The following SMAD1 variants were observed in gnomAD, a reference collection of about 807,000 sequenced individuals.
SMAD1 encodes MAD, mothers against decapentaplegic homolog 1.
A neutral mutation model predicts 41.6 loss-of-function variants in SMAD1; 6 were observed. That is an observed-to-expected ratio of 0.14 (90% CI 0.08 to 0.28). SMAD1 has a LOEUF of 0.28. Ranked by LOEUF, SMAD1 falls within the 10% of genes least tolerant of loss-of-function variation. The probability of loss-of-function intolerance (pLI) is 1.00; values close to 1 mark genes in which losing one functional copy is unlikely to be tolerated. For missense variants in SMAD1, 379 were observed against 582.6 expected, an observed-to-expected ratio of 0.65 and a Z score of 3.60; for synonymous variants, 206 against 203.2, an observed-to-expected ratio of 1.01 and a Z score of -0.12.
chr4:145,509,729 T>A (rs1402560960), intron 1 of SMAD1, among the ~76,000 whole-genome samples: 1 of 152,196 alleles, frequency 6.6e-6, no homozygotes, highest in Non-Finnish European at 1.5e-5. Flanking sequence ...ATAGGTACAC[T>A]CTGACCAAGT....
At chr4:145,547,036 G>A in intron 5 of SMAD1, 112 bp downstream of exon 5, 2 of 820,438 alleles carry the variant, frequency 2.4e-6, no homozygotes, top group South Asian at 1.6e-5. Context: ...ACCAGGTAAT[G>A]TTCACTTGCT....
At chr4:145,501,120 C>T (rs1390892773) in intron 1 of SMAD1, among the ~76,000 whole-genome samples, 1 of 152,208 alleles carries the variant, frequency 6.6e-6, no homozygotes, top group East Asian at 1.9e-4. Context: ...CCCAATTTCT[C>T]ATTCTGGGTT....
Position 145,514,996 on chromosome 4 carries a change from A to G in SMAD1, c.383A>G (p.Lys128Arg), listed in dbSNP as rs997032158. The stretch of plus-strand genomic sequence containing the variant: ...GTCTGCATCAATCCCTACCACTATA[A>G]GAGAGTAGAAAGCCCTGGTAAGTGA... ...KEVCINPYHY[K>R]RVESPVLPPV... is the part of the protein sequence containing the mutation. The change falls in exon 2 of 7, where the codon AAG becomes AGG. Residue 128 changes from lysine (K) to arginine (R), a missense_variant. This residue lies in a region of SMAD1 where 208 missense variants were observed against 210.5 expected (regional missense o/e 0.99). Transcript: ENST00000302085. This position sits in a 1 kb window ranked among gnomAD's most constrained non-coding sequence, Gnocchi z 4.7. The G allele has an allele frequency of 6.2e-7, 1 of 1,608,102 alleles. No homozygotes were observed. Among genetic ancestry groups the G allele is most frequent in the Non-Finnish European group, 8.5e-7 (1 of 1,176,480 alleles).
At chr4:145,534,484 A>G (rs1731501762) in intron 2 of SMAD1, among the ~76,000 whole-genome samples, 1 of 152,248 alleles carries the variant, frequency 6.6e-6, no homozygotes, top group South Asian at 2.1e-4. Context: ...GAAAAGGAAG[A>G]ACTGTGAGAG....
chr4:145,553,621 C>G (rs1279726998), intron 5 of SMAD1, among the ~76,000 whole-genome samples, 163 bp from the exon 6 acceptor site: 1 of 152,072 alleles, frequency 6.6e-6, no homozygotes, highest in South Asian at 2.1e-4. Context: ...GGTCCATGGC[C>G]CCGGGGGTTG....
intron 2 of SMAD1, among the ~76,000 whole-genome samples, chr4:145,530,284 T>C (rs1035098439): frequency 2.6e-5 from 4 of 152,172 alleles, no homozygotes; most frequent in African/African-American, 9.7e-5. Context: ...ATGGGAGTGC[T>C]GTTAGAACTG....
intron 4 of SMAD1, among the ~76,000 whole-genome samples, chr4:145,543,008 C>G (rs1011465535): frequency 6.6e-6 from 1 of 151,086 alleles, no homozygotes; most frequent in Non-Finnish European, 1.5e-5. Flanking sequence ...GAGTTTTGCT[C>G]TGGTCACCCA....
chr4:145,533,608 C>T (rs1399128402), intron 2 of SMAD1, among the ~76,000 whole-genome samples: 1 of 152,106 alleles, frequency 6.6e-6, no homozygotes, highest in Non-Finnish European at 1.5e-5. Flanking sequence ...CGCTTAAGCC[C>T]AGGAGTTTGA....
rs1387793042 is a variant in SMAD1 at position 145,482,250 on chromosome 4, C to T, written c.-177+212C>T. Among the ~76,000 whole-genome samples, 1 of 151,406 alleles carries T rather than the reference C, an allele frequency of 6.6e-6. No homozygotes were observed. Among genetic ancestry groups the T allele is most frequent in the Non-Finnish European group, 1.5e-5 (1 of 67,710 alleles). Reference sequence around the variant, plus strand: ...CCCCCCCCCCCATGATGGCGCCTCCCGTCTGCTCGGAGGAGCGAACCTGCT... The same window carrying T: ...CCCCCCCCCCCATGATGGCGCCTCCTGTCTGCTCGGAGGAGCGAACCTGCT... On this transcript the variant is annotated intron_variant, in intron 1 of 6. Coordinates refer to ENST00000302085, the MANE Select transcript of SMAD1 (RefSeq NM_005900.3). The surrounding 1 kb of genome is among the most constrained non-coding windows in gnomAD (Gnocchi z 4.2).
Position 145,514,282 on chromosome 4 carries a change from A to G in SMAD1, c.-176-156A>G, listed in dbSNP as rs930850558. ...TCCAAATATAGTCATACTGAGAGTT[A>G]GGGCTTCCGCATATGAATTTTAGGG... On this transcript the variant is annotated intron_variant, in intron 1 of 6. Coordinates refer to ENST00000302085, the MANE Select transcript of SMAD1 (RefSeq NM_005900.3). This position sits in a 1 kb window ranked among gnomAD's most constrained non-coding sequence, Gnocchi z 4.7. Among the ~76,000 whole-genome samples the G allele has an allele frequency of 1.3e-5, 2 of 152,192 alleles. No individual in the cohort carries two copies. The highest frequency in any genetic ancestry group is 4.8e-5 in the African/African-American group (2 of 41,448).
intron 2 of SMAD1, among the ~76,000 whole-genome samples, chr4:145,523,883 T>C (rs934653153): frequency 4.6e-5 from 7 of 152,064 alleles, no homozygotes; most frequent in Non-Finnish European, 1.0e-4. Context: ...TACATGGAAG[T>C]TCTTTTTTGG....
chr4:145,530,308 T>G (rs574552624), intron 2 of SMAD1, among the ~76,000 whole-genome samples: 2 of 152,166 alleles, frequency 1.3e-5, no homozygotes, highest in African/African-American at 4.8e-5. Context: ...CTTGGAAATA[T>G]GGCCAAGTGA....
At chr4:145,531,790 A>G (rs960474707) in intron 2 of SMAD1, among the ~76,000 whole-genome samples, 2 of 151,736 alleles carry the variant, frequency 1.3e-5, no homozygotes, top group Non-Finnish European at 2.9e-5. Flanking sequence ...GCATTTCTGT[A>G]CTGCCAGGTA....
chr4:145,507,563 T>C (rs1452560558), intron 1 of SMAD1, among the ~76,000 whole-genome samples: 3 of 152,070 alleles, frequency 2.0e-5, no homozygotes, highest in African/African-American at 7.2e-5. Flanking sequence ...AAAACAATTT[T>C]CCCTTTCTGG....
At chr4:145,552,987 C>G (rs1384763197) in intron 5 of SMAD1, among the ~76,000 whole-genome samples, 1 of 152,084 alleles carries the variant, frequency 6.6e-6, no homozygotes, top group Non-Finnish European at 1.5e-5. Context: ...TCACTGCAGC[C>G]TCAACCTCCT....
chr4:145,547,572 A>C (rs1163123620), intron 5 of SMAD1, among the ~76,000 whole-genome samples: 2 of 152,232 alleles, frequency 1.3e-5, no homozygotes, highest in Non-Finnish European at 1.5e-5. Flanking sequence ...ATTTCAAATA[A>C]ATCCCGAACT....
chr4:145,484,515 T>C (rs959678270), intron 1 of SMAD1: 1 of 152,414 alleles, frequency 6.6e-6, no homozygotes, highest in Non-Finnish European at 1.5e-5. Context: ...TCTGGCGTTA[T>C]ACTTCAGATA....
rs1732700605 is a variant in SMAD1 at position 145,554,013 on chromosome 4, G to A, written c.1227G>A (p.Met409Ile). The change falls in exon 6 of 7, where the codon ATG (methionine) becomes ATA (isoleucine). Residue 409 changes from methionine to isoleucine, a missense_variant. By Grantham distance (10) the Met-to-Ile change is conservative. Around this residue, in one of 3 missense-constraint regions of SMAD1, gnomAD observed 107 missense variants for 218.3 expected, o/e 0.49. Coordinates refer to ENST00000302085, the MANE Select transcript of SMAD1 (RefSeq NM_005900.3). ...AGACAGTCTATGAGCTTACAAAAATGTGTACTATACGTATGAGCTTTGTGA... is the reference window on the plus strand; with the variant it reads ...AGACAGTCTATGAGCTTACAAAAATATGTACTATACGTATGAGCTTTGTGA... Reference protein sequence around the residue: ...GFETVYELTKMCTIRMSFVKG... With the variant: ...GFETVYELTKICTIRMSFVKG... The A allele has an allele frequency of 3.1e-6, 5 of 1,613,412 alleles. No homozygotes were observed. The highest frequency in any genetic ancestry group is 2.2e-5 in the East Asian group (1 of 44,852).
At position 145,524,879 on chromosome 4, in the gene SMAD1, A is replaced by G. The variant is rs544040399; in HGVS notation, c.400+9866A>G. 8.5e-5 allele frequency among the ~76,000 whole-genome samples: 13 copies of G among 152,348 alleles called. No individual in the cohort carries two copies. In the South Asian group the frequency reaches 2.7e-3, roughly 32 times the overall value. On this transcript the variant is annotated intron_variant, in intron 2 of 6. Transcript: ENST00000302085. ...TAATATTTTAAATTAAAAGAAAAAAACCAGGCCAATGTTTCCAAGACTAGC... is the reference window on the plus strand; with the variant it reads ...TAATATTTTAAATTAAAAGAAAAAAGCCAGGCCAATGTTTCCAAGACTAGC...
Sources: gnomAD v4.1 joint callset for allele counts (sites outside exome capture counted in the v4.1 genomes callset) on GRCh38, gnomAD v4.1.1 for gene constraint, gnomAD v4.1.1 regional missense constraint, Gnocchi (gnomAD v3.1) non-coding constraint, MANE v1.5 for transcripts, NCBI Gene and HGNC (gene_info 2026-07-23, HGNC 2026-07-21) for gene names.